The following MAP4K1 variants were observed in gnomAD, a reference collection of about 807,000 sequenced individuals.
MAP4K1 encodes MAPK/ERK kinase kinase kinase 1.
Under a neutral mutation model 122.8 loss-of-function variants are expected in MAP4K1, and 35 were observed. The ratio of observed to expected loss-of-function variants is 0.29; its 90% CI spans 0.22 to 0.38. The LOEUF is 0.38. MAP4K1 is among the 10% of genes least tolerant of loss of function. The probability of loss-of-function intolerance (pLI) is 1.00; values close to 1 mark genes in which losing one functional copy is unlikely to be tolerated. For synonymous variants in MAP4K1, 412 were observed against 421.3 expected, an observed-to-expected ratio of 0.98 and a Z score of 0.27; for missense variants, 791 against 1,072.6, an observed-to-expected ratio of 0.74 and a Z score of 3.67.
intron 19 of MAP4K1, among the ~76,000 whole-genome samples, chr19:38,604,801 A>G (rs1375003150): frequency 3.0e-5 from 4 of 134,114 alleles, no homozygotes; most frequent in Non-Finnish European, 4.7e-5. Flanking sequence ...AAAAAAAAAA[A>G]GCATGCCAGA....
At chr19:38,589,432 T>C (rs188575057) in intron 30 of MAP4K1, among the ~76,000 whole-genome samples, 3 of 151,684 alleles carry the variant, frequency 2.0e-5, no homozygotes, top group African/African-American at 7.3e-5. Flanking sequence ...TTTTTTTTTT[T>C]TGAGACAGAG....
At position 38,605,579 on chromosome 19, in the gene MAP4K1, G is replaced by A. The variant is rs746894970; in HGVS notation, c.1352C>T (p.Thr451Ile). The change falls in exon 18 of 31, where the codon ACC (threonine) becomes ATC (isoleucine). Residue 451 changes from threonine to isoleucine, a missense_variant. Thr to Ile is a moderately conservative substitution (Grantham distance 89). Transcript: ENST00000396857. ...GCCTGTCCCATTACCTGAATGGGCG[G>A]TGAGGTGGGGGCTGCTGGTGGATGG... ...PPPSTSSPHL[T>I]AHSEPSLWNP... 2 of 1,542,722 alleles carry A rather than the reference G, an allele frequency of 1.3e-6. No homozygotes were observed. The highest frequency in any genetic ancestry group is 1.7e-6 in the Non-Finnish European group (2 of 1,146,238).
At chr19:38,599,487 C>T (rs142650762) in intron 22 of MAP4K1, among the ~76,000 whole-genome samples, 2,145 of 151,434 alleles carry the variant, frequency 0.014, 33 homozygotes, top group Non-Finnish European at 0.023. Context: ...CAGGGTAAAA[C>T]TCTGTCTCTA....
intron 9 of MAP4K1, 52 bp from the exon 10 acceptor site, chr19:38,611,357 C>A (rs773489830): frequency 4.0e-5 from 51 of 1,277,754 alleles, no homozygotes; most frequent in Middle Eastern, 4.1e-4. Context: ...GGGGCCAGAC[C>A]TCATGGCTTG....
chr19:38,600,799 ATTTTTTTTT>A, intron 20 of MAP4K1, among the ~76,000 whole-genome samples: 1 of 90,958 alleles, frequency 1.1e-5, no homozygotes, highest in East Asian at 3.0e-4. Context: ...CCCTCTACCC[ATTTTTTTTT>A]TTTTTTTTTT....
chr19:38,603,154 A>G (rs1247390247), intron 19 of MAP4K1, among the ~76,000 whole-genome samples: 2 of 148,822 alleles, frequency 1.3e-5, no homozygotes, highest in Admixed American at 6.7e-5. Flanking sequence ...ACACACATAT[A>G]CATGTATACA....
rs757473297 is a variant in MAP4K1, at chr19:38,597,374, C to A, written c.1789G>T (p.Val597Phe). Residue 597 changes from valine (V) to phenylalanine (F), a missense_variant, in exon 24 of 31, where the codon GTT becomes TTT. Around this residue, in one of 4 missense-constraint regions of MAP4K1, gnomAD observed 267 missense variants for 323.0 expected, o/e 0.83. Coordinates refer to ENST00000396857, the MANE Select transcript of MAP4K1 (RefSeq NM_001042600.3). The surrounding 1 kb of genome is among the most constrained non-coding windows in gnomAD (Gnocchi z 4.6). Reference sequence around the variant, plus strand: ...TTGGTGTCCTGGATCTTGGTGGAAACCATGTTCTTCCTGGAGAATAGGTAG... The same window carrying A: ...TTGGTGTCCTGGATCTTGGTGGAAAACATGTTCTTCCTGGAGAATAGGTAG... ...PHRLLARKNM[V>F]STKIQDTKGC... 1 of 1,614,038 alleles carries A rather than the reference C, an allele frequency of 6.2e-7. No homozygotes were observed. The highest frequency in any genetic ancestry group is 1.1e-5 in the South Asian group (1 of 91,074).
chr19:38,609,154 G>C (rs1217390309), intron 13 of MAP4K1, among the ~76,000 whole-genome samples: 1 of 152,060 alleles, frequency 6.6e-6, no homozygotes, highest in Non-Finnish European at 1.5e-5. Flanking sequence ...TTTTGTCCTT[G>C]AGACGGTCTC....
intron 8 of MAP4K1, 68 bp downstream of exon 8, chr19:38,613,812 G>A (rs1975569116): frequency 1.5e-5 from 19 of 1,268,956 alleles, no homozygotes; most frequent in South Asian, 1.3e-4. Context: ...AGAGGATCCC[G>A]GGGAACCAGG....
At chr19:38,595,345 G>T (rs1404710375) in intron 29 of MAP4K1, 140 bp downstream of exon 29, 4 of 574,006 alleles carry the variant, frequency 7.0e-6, no homozygotes, top group Non-Finnish European at 1.2e-5. Flanking sequence ...CAAAGAAGGG[G>T]ATCTATCTGA....
chr19:38,595,401 C>T (rs902463525), intron 29 of MAP4K1, 84 bp downstream of exon 29: 9 of 1,400,972 alleles, frequency 6.4e-6, no homozygotes, highest in Non-Finnish European at 8.1e-6. Context: ...CACACTCTGA[C>T]TCAGGAGTTC....
rs1163875086 is a variant in MAP4K1 at position 38,610,037 on chromosome 19, A to G, written c.811-12T>C. On this transcript the variant is annotated splice_polypyrimidine_tract_variant and intron_variant, in intron 11 of 30. Coordinates refer to ENST00000396857, the MANE Select transcript of MAP4K1 (RefSeq NM_001042600.3). ...GATACCAGTTGATGCTGGCGGAGGGAAGAGGTGTCCGTATCCAGAGGGATG... is the reference window on the plus strand; with the variant it reads ...GATACCAGTTGATGCTGGCGGAGGGGAGAGGTGTCCGTATCCAGAGGGATG... The G allele has an allele frequency of 5.7e-6, 9 of 1,585,650 alleles. No individual in the cohort carries two copies. The highest frequency in any genetic ancestry group is 6.9e-6 in the Non-Finnish European group (8 of 1,154,402).
intron 20 of MAP4K1, 98 bp from the exon 21 acceptor site, chr19:38,600,251 C>T (rs1300134216): frequency 1.1e-6 from 1 of 928,904 alleles, no homozygotes. Flanking sequence ...CTGTCCCCAG[C>T]TCTGACCCTC....
chr19:38,614,294 T>C lies in MAP4K1; in HGVS notation c.370-2A>G. On this transcript the variant is annotated splice_acceptor_variant, in intron 5 of 30. Transcript: ENST00000396857. LOFTEE classifies it high-confidence loss of function. The stretch of plus-strand genomic sequence containing the variant: ...CTGTGAGTGCAAATAGGCCAGTCCC[T>C]GGGGAGAAGGGTGGACAAGGGGACA... 6.2e-7 allele frequency: 1 copy of C among 1,614,012 alleles called. No individual in the cohort carries two copies. Among genetic ancestry groups the C allele is most frequent in the Non-Finnish European group, 8.5e-7 (1 of 1,179,980 alleles).
chr19:38,599,883 C>G, intron 22 of MAP4K1, 42 bp downstream of exon 22: 4 of 1,604,450 alleles, frequency 2.5e-6, no homozygotes, highest in Non-Finnish European at 2.6e-6. Context: ...CCTTGGACCC[C>G]TTAACTTCCG....
rs768617579 is a variant in MAP4K1 at position 38,614,053 on chromosome 19, C to T, written c.450G>A (p.Glu150=). The stretch of plus-strand genomic sequence containing the variant: ...CCCAGCCTTACTCACCCAATCTGAC[C>T]TCCCCAGCATCATTGATGAGGATGT... ...GANILINDAG[E]VRLADFGISA... The change falls in exon 7 of 31, where the codon GAG becomes GAA. Residue 150 remains glutamate, a synonymous_variant. Coordinates refer to ENST00000396857, the MANE Select transcript of MAP4K1 (RefSeq NM_001042600.3). The T allele has an allele frequency of 6.2e-7, 1 of 1,613,556 alleles. No individual in the cohort carries two copies. The highest frequency in any genetic ancestry group is 8.5e-7 in the Non-Finnish European group (1 of 1,179,900).
chr19:38,594,957 T>TTATCTATC (rs4018120), intron 29 of MAP4K1, among the ~76,000 whole-genome samples: 5,160 of 146,634 alleles, frequency 0.035, 221 homozygotes, highest in East Asian at 0.098. Flanking sequence ...TAAATAAATT[T>TTATCTATC]TATCTATCTA....
chr19:38,601,457 T>G lies in MAP4K1; in HGVS notation c.1515A>C (p.Thr505=). ...PLRIHSTAAW[T]HPSTKDQHLL... The stretch of plus-strand genomic sequence containing the variant: ...AATGCCCACCCTTGGTGGAGGGATG[T>G]GTCCAGGCGGCCGTGCTGTGGATCC... Residue 505 remains threonine, a synonymous_variant, in exon 20 of 31, where the codon ACA becomes ACC. Coordinates refer to ENST00000396857, the MANE Select transcript of MAP4K1 (RefSeq NM_001042600.3). 6.2e-7 allele frequency: 1 copy of G among 1,609,046 alleles called. No individual in the cohort carries two copies. The highest frequency in any genetic ancestry group is 8.5e-7 in the Non-Finnish European group (1 of 1,177,954).
At chr19:38,595,841 GGGGC>G in intron 27 of MAP4K1, 94 bp downstream of exon 27, 1 of 1,509,690 alleles carries the variant, frequency 6.6e-7, no homozygotes, top group South Asian at 1.1e-5. Flanking sequence ...AAGGCCCAGA[GGGGC>G]TCAGGGGGTT....
Sources: allele counts gnomAD v4.1 joint callset (sites outside exome capture counted in the v4.1 genomes callset), GRCh38; gene constraint gnomAD v4.1.1; regional missense constraint gnomAD v4.1.1; non-coding constraint Gnocchi (gnomAD v3.1); transcripts MANE v1.5; gene names NCBI Gene and HGNC (gene_info 2026-07-23, HGNC 2026-07-21).